Variants in ZMIZ1 observed in about 807,000 individuals in gnomAD.
ZMIZ1 encodes zinc finger MIZ domain-containing protein 1.
In ZMIZ1, 17 loss-of-function variants were observed where a neutral mutation model predicts 113.9. That is an observed-to-expected ratio of 0.15 (90% CI 0.10 to 0.22). ZMIZ1 has a LOEUF of 0.22. ZMIZ1 is among the 10% of genes least tolerant of loss of function. The pLI is 1.00. For missense variants in ZMIZ1, 1,059 were observed against 1,477.8 expected (o/e 0.72, Z 4.65); for synonymous variants, 607 against 603.1 (o/e 1.01, Z -0.09).
In ZMIZ1 at chr10:79,153,094, C is replaced by T. The variant is rs78400866; in HGVS notation, c.-130-8959C>T. Among the ~76,000 whole-genome samples, 1,348 of 152,318 alleles carry T rather than the reference C, an allele frequency of 8.8e-3. 29 individuals carry two copies. The highest frequency in any genetic ancestry group is 0.031 in the African/African-American group (1,283 of 41,568). ...CCTCTTTCTGAAAGAACGAATGAGA[C>T]CCCAGATTCAAGGGAGAAGAAGGGG... is the stretch of plus-strand genomic sequence containing the variant. On this transcript the variant is annotated intron_variant, in intron 3 of 24. Coordinates refer to ENST00000334512, the MANE Select transcript of ZMIZ1 (RefSeq NM_020338.4).
At chr10:79,216,518 A>C (rs1848737291) in intron 7 of ZMIZ1, 1 of 358,472 alleles carries the variant, frequency 2.8e-6, no homozygotes, top group African/African-American at 2.1e-5. Flanking sequence ...CTCCCGAGGC[A>C]CACCAAACCC....
At chr10:79,292,027 C>T in intron 10 of ZMIZ1, 131 bp from the exon 11 acceptor site, 8 of 925,148 alleles carry the variant, frequency 8.6e-6, no homozygotes, top group Non-Finnish European at 1.2e-5. Flanking sequence ...GAATGGCTGC[C>T]AATCCCAAGA....
At chr10:79,127,738 C>T (rs1844580114) in intron 2 of ZMIZ1, among the ~76,000 whole-genome samples, 1 of 152,142 alleles carries the variant, frequency 6.6e-6, no homozygotes, top group African/African-American at 2.4e-5. Context: ...GGAGGTGAGT[C>T]AGGAGCAGGC....
In ZMIZ1 at chr10:79,087,575, A is replaced by C. The variant is rs983275436; in HGVS notation, c.-337+18305A>C. Among the ~76,000 whole-genome samples the C allele has an allele frequency of 6.6e-5, 10 of 152,238 alleles. No homozygotes were observed. The East Asian group carries it at 1.7e-3, about 27-fold the overall frequency. On this transcript the variant is annotated intron_variant, in intron 1 of 24. Coordinates refer to ENST00000334512, the MANE Select transcript of ZMIZ1 (RefSeq NM_020338.4). ...GTCTACCTCCAGCTTCCCCTTTTCC[A>C]TCGCCCCTTCACTTGGCTACCAGTG...
At chr10:79,258,050 TATCCCCATGTGCTAATTGGAGCTTAA>T (rs1397614958) in intron 7 of ZMIZ1, among the ~76,000 whole-genome samples, 1 of 152,208 alleles carries the variant, frequency 6.6e-6, no homozygotes. Flanking sequence ...TGGGAGCCAG[TATCCCCATGTGCTAATTGGAGCTTAA>T]ATTTAATGAA....
intron 8 of ZMIZ1, among the ~76,000 whole-genome samples, chr10:79,279,229 G>A (rs1852532516): frequency 6.6e-6 from 1 of 150,966 alleles, no homozygotes; most frequent in African/African-American, 2.4e-5. Flanking sequence ...CGGGCGGTGG[G>A]GCTCCTCACT....
chr10:79,268,875 G>C (rs563794918), intron 7 of ZMIZ1, among the ~76,000 whole-genome samples: 2 of 152,328 alleles, frequency 1.3e-5, no homozygotes, highest in South Asian at 4.1e-4. Flanking sequence ...ACAGGATGCT[G>C]TTGTCATAAT....
chr10:79,163,353 A>G (rs1846192130), intron 4 of ZMIZ1, among the ~76,000 whole-genome samples: 1 of 152,226 alleles, frequency 6.6e-6, no homozygotes, highest in Non-Finnish European at 1.5e-5. Flanking sequence ...TGGCTGCATG[A>G]CCTTGGGCCA....
At chr10:79,301,031 C>T in intron 17 of ZMIZ1, 89 bp downstream of exon 17, 1 of 1,533,626 alleles carries the variant, frequency 6.5e-7, no homozygotes, top group Non-Finnish European at 8.8e-7. Context: ...CACTCTGGTC[C>T]TCAGCCTTGT....
At chr10:79,299,590 TCAGG>T (rs1257281512) in intron 16 of ZMIZ1, among the ~76,000 whole-genome samples, 6 of 152,222 alleles carry the variant, frequency 3.9e-5, no homozygotes, top group African/African-American at 1.4e-4. Flanking sequence ...CAGGCCGGGG[TCAGG>T]CAGGCCCCAT....
At chr10:79,274,214 T>C (rs1345928162) in intron 7 of ZMIZ1, among the ~76,000 whole-genome samples, 1 of 152,224 alleles carries the variant, frequency 6.6e-6, no homozygotes. Flanking sequence ...CATTGCCTGG[T>C]ATGCTCTGCG....
At chr10:79,293,788 G>C (rs746750964) in intron 12 of ZMIZ1, 135 bp downstream of exon 12, 4 of 1,366,100 alleles carry the variant, frequency 2.9e-6, no homozygotes, top group Non-Finnish European at 4.1e-6. Flanking sequence ...GGGCTTAGGG[G>C]TCAGGTGCTC....
chr10:79,182,480 G>C (rs1847162249), intron 4 of ZMIZ1, among the ~76,000 whole-genome samples: 1 of 152,190 alleles, frequency 6.6e-6, no homozygotes, highest in Non-Finnish European at 1.5e-5. Flanking sequence ...GCTGGACTCA[G>C]AGTGCAGCAG....
At chr10:79,160,126 C>T (rs540660311) in intron 3 of ZMIZ1, among the ~76,000 whole-genome samples, 36 of 152,356 alleles carry the variant, frequency 2.4e-4, no homozygotes, top group Non-Finnish European at 5.1e-4. Flanking sequence ...TCCAGTTCTG[C>T]CCCAGTCACT....
In ZMIZ1 at chr10:79,307,420, G is replaced by A. The variant is rs749901827; in HGVS notation, c.2684G>A (p.Gly895Asp). 2 of 1,611,128 alleles carry A rather than the reference G, an allele frequency of 1.2e-6. No homozygotes were observed. Among genetic ancestry groups the A allele is most frequent in the Non-Finnish European group, 1.7e-6 (2 of 1,178,840 alleles). The change falls in exon 23 of 25, where the codon GGC (glycine) becomes GAC (aspartate). Residue 895 changes from glycine (G) to aspartate (D), a missense_variant. Coordinates refer to ENST00000334512, the MANE Select transcript of ZMIZ1 (RefSeq NM_020338.4). ...DYSSQGNNYQ[G>D]HGNFDFPHGN... ...CCCTTCCTAGGCAACAACTACCAAGGCCATGGCAACTTTGACTTCCCCCAC... is the reference window on the plus strand; with the variant it reads ...CCCTTCCTAGGCAACAACTACCAAGACCATGGCAACTTTGACTTCCCCCAC...
At chr10:79,303,747 G>T (rs1356380048) in intron 18 of ZMIZ1, among the ~76,000 whole-genome samples, 1 of 152,222 alleles carries the variant, frequency 6.6e-6, no homozygotes, top group Non-Finnish European at 1.5e-5. Flanking sequence ...CGAAGGCAGG[G>T]CCTGCTCTGC....
chr10:79,101,811 C>T (rs993615681), intron 1 of ZMIZ1, among the ~76,000 whole-genome samples: 6 of 152,296 alleles, frequency 3.9e-5, no homozygotes, highest in African/African-American at 1.2e-4. Flanking sequence ...CTGTCCCCGA[C>T]CATAAACACA....
chr10:79,205,535 A>T (rs1025872503), intron 5 of ZMIZ1, among the ~76,000 whole-genome samples: 4 of 152,232 alleles, frequency 2.6e-5, no homozygotes, highest in African/African-American at 9.6e-5. Flanking sequence ...CATCAACAGC[A>T]GTAGCAGTCT....
chr10:79,092,845 G>A (rs873823), intron 1 of ZMIZ1, among the ~76,000 whole-genome samples: 106,932 of 151,962 alleles, frequency 0.7, 38,901 homozygotes, highest in African/African-American at 0.91. Context: ...TCGCTTTTCT[G>A]TAAGATGGGT....
Sources: allele counts gnomAD v4.1 joint callset (sites outside exome capture counted in the v4.1 genomes callset), GRCh38; gene constraint gnomAD v4.1.1; transcripts MANE v1.5; gene names NCBI Gene and HGNC (gene_info 2026-07-23, HGNC 2026-07-21).